DNAJC5B: variants seen among roughly 807,000 people sequenced by gnomAD.
DNAJC5B encodes DnaJ heat shock protein family (Hsp40) member C5 beta.
Under a neutral mutation model 24.7 loss-of-function variants are expected in DNAJC5B, and 23 were observed. The ratio of observed to expected loss-of-function variants is 0.93; its 90% CI spans 0.67 to 1.32. DNAJC5B has a LOEUF of 1.32. DNAJC5B is among the 40% of genes most tolerant of loss of function. DNAJC5B has a pLI of 0.00. For missense variants in DNAJC5B, 238 were observed against 240.8 expected, an observed-to-expected ratio of 0.99 and a Z score of 0.08; for synonymous variants, 101 against 90.1, an observed-to-expected ratio of 1.12 and a Z score of -0.68.
chr8:66,020,039 G>C (rs898363652), upstream of DNAJC5B, among the ~76,000 whole-genome samples: 1 of 152,214 alleles, frequency 6.6e-6, no homozygotes, highest in Non-Finnish European at 1.5e-5. Flanking sequence ...TTACTCAAAG[G>C]GTTGCTTAAG....
intron 5 of DNAJC5B, among the ~76,000 whole-genome samples, chr8:66,089,819 T>C (rs1438601894): frequency 6.6e-6 from 1 of 152,194 alleles, no homozygotes; most frequent in Non-Finnish European, 1.5e-5. Context: ...CAGTATTCAC[T>C]GGCAACTACA....
intron 3 of DNAJC5B, among the ~76,000 whole-genome samples, chr8:66,076,052 T>C (rs1211586012): frequency 6.6e-6 from 1 of 152,114 alleles, no homozygotes; most frequent in Non-Finnish European, 1.5e-5. Context: ...CACAAGAAAA[T>C]TTCTATAGAT....
intron 3 of DNAJC5B, among the ~76,000 whole-genome samples, chr8:66,066,763 G>A (rs1298562040): frequency 2.0e-5 from 3 of 152,198 alleles, no homozygotes; most frequent in East Asian, 1.9e-4. Flanking sequence ...AAACTACAAT[G>A]TATACTACTC....
chr8:66,090,498 T>C (rs552247730), intron 5 of DNAJC5B, among the ~76,000 whole-genome samples: 67 of 152,058 alleles, frequency 4.4e-4, no homozygotes, highest in African/African-American at 1.6e-3. Flanking sequence ...ATTTCCCCAA[T>C]TTTTTTTAAA....
chr8:66,032,666 A>G (rs1806384453), intron 1 of DNAJC5B, among the ~76,000 whole-genome samples: 1 of 152,156 alleles, frequency 6.6e-6, no homozygotes, highest in African/African-American at 2.4e-5. Context: ...AAATCTGCCC[A>G]TCAAAACTGC....
At chr8:66,026,232 G>C (rs968017763) in intron 1 of DNAJC5B, among the ~76,000 whole-genome samples, 3 of 149,378 alleles carry the variant, frequency 2.0e-5, no homozygotes, top group African/African-American at 7.5e-5. Flanking sequence ...TTTGTCTGTT[G>C]TTGGTGTATA....
chr8:66,074,694 T>C (rs931573984), intron 3 of DNAJC5B, among the ~76,000 whole-genome samples: 1 of 152,372 alleles, frequency 6.6e-6, no homozygotes, highest in Non-Finnish European at 1.5e-5. Context: ...CCTTAAACTC[T>C]ACATTCTATA....
intron 1 of DNAJC5B, among the ~76,000 whole-genome samples, chr8:66,028,540 T>C (rs1378773243): frequency 6.6e-6 from 1 of 152,012 alleles, no homozygotes; most frequent in African/African-American, 2.4e-5. Context: ...GCAAACCTGT[T>C]CCCCCTTTGT....
In DNAJC5B at chr8:66,051,641, A is replaced by G; in HGVS notation, c.94A>G (p.Asn32Asp). 2 of 1,612,524 alleles carry G rather than the reference A, an allele frequency of 1.2e-6. No homozygotes were observed. Among genetic ancestry groups the G allele is most frequent in the Non-Finnish European group, 1.7e-6 (2 of 1,179,570 alleles). Reference protein sequence around the residue: ...EILGLHKGASNEEIKKTYRKL... With the variant: ...EILGLHKGASDEEIKKTYRKL... ...TCTTGGTCTGCATAAGGGAGCATCA[A>G]ATGAAGAAATTAAGAAAACCTACAG... Residue 32 changes from asparagine (N) to aspartate (D), a missense_variant, in exon 3 of 6, where the codon AAT (asparagine) becomes GAT (aspartate). Transcript: ENST00000276570.
At chr8:66,074,164 C>T (rs1449684286) in intron 3 of DNAJC5B, among the ~76,000 whole-genome samples, 1 of 152,198 alleles carries the variant, frequency 6.6e-6, no homozygotes, top group Admixed American at 6.5e-5. Flanking sequence ...ATATAACAGC[C>T]TCATATAAAC....
At chr8:66,095,385 A>T (rs567526573) in intron 5 of DNAJC5B, among the ~76,000 whole-genome samples, 1 of 151,168 alleles carries the variant, frequency 6.6e-6, no homozygotes, top group Non-Finnish European at 1.5e-5. Flanking sequence ...TATTCTTTAC[A>T]TTGGTCATTT....
chr8:66,096,582 C>T (rs891454986), intron 5 of DNAJC5B, among the ~76,000 whole-genome samples: 2 of 152,060 alleles, frequency 1.3e-5, no homozygotes, highest in African/African-American at 4.8e-5. Flanking sequence ...AGAATATTTA[C>T]AGCTACTTGG....
At chr8:66,088,250 G>A (rs1386921309) in intron 5 of DNAJC5B, among the ~76,000 whole-genome samples, 1 of 152,206 alleles carries the variant, frequency 6.6e-6, no homozygotes, top group African/African-American at 2.4e-5. Flanking sequence ...AGCCTCATCT[G>A]GAGCTGGAGT....
At chr8:66,066,636 C>G (rs944084377) in intron 3 of DNAJC5B, among the ~76,000 whole-genome samples, 1 of 152,044 alleles carries the variant, frequency 6.6e-6, no homozygotes, top group Admixed American at 6.5e-5. Flanking sequence ...GAATTGAAAC[C>G]AAAACACTGT....
At chr8:66,049,186 T>G (rs963003902) in intron 2 of DNAJC5B, among the ~76,000 whole-genome samples, 5 of 152,244 alleles carry the variant, frequency 3.3e-5, no homozygotes, top group African/African-American at 1.2e-4. Context: ...GTAATGGAGT[T>G]GAAGAATTAC....
Position 66,081,503 on chromosome 8 carries a change from T to C in DNAJC5B, c.505+955T>C, listed in dbSNP as rs568609532. Among the ~76,000 whole-genome samples the C allele has an allele frequency of 9.2e-4, 140 of 152,312 alleles. 1 individual carries two copies. Among genetic ancestry groups the C allele is most frequent in the South Asian group, 8.1e-3 (39 of 4,826 alleles). The stretch of plus-strand genomic sequence containing the variant: ...TGCTAAAATTAGGAACAGTGTACTT[T>C]TCTGGACTGTATTGTACTCTGATTC... On this transcript the variant is annotated intron_variant, in intron 5 of 5. Coordinates refer to ENST00000276570, the MANE Select transcript of DNAJC5B (RefSeq NM_033105.6).
intron 2 of DNAJC5B, among the ~76,000 whole-genome samples, chr8:66,047,372 A>G (rs1806744033): frequency 6.6e-6 from 1 of 152,114 alleles, no homozygotes; most frequent in Non-Finnish European, 1.5e-5. Flanking sequence ...AGAACCTGAC[A>G]CTGTCAGTTA....
intron 2 of DNAJC5B, among the ~76,000 whole-genome samples, chr8:66,049,017 A>C (rs1806788001): frequency 6.6e-6 from 1 of 152,182 alleles, no homozygotes; most frequent in Non-Finnish European, 1.5e-5. Context: ...GACCCTGAAC[A>C]CTAGTTTCAT....
intron 3 of DNAJC5B, among the ~76,000 whole-genome samples, chr8:66,068,370 C>T (rs941234624): frequency 2.0e-5 from 3 of 150,874 alleles, no homozygotes; most frequent in African/African-American, 7.3e-5. Context: ...TTCAGATTTG[C>T]AAAAGAAACA....
Sources: allele counts gnomAD v4.1 joint callset (sites outside exome capture counted in the v4.1 genomes callset), GRCh38; gene constraint gnomAD v4.1.1; transcripts MANE v1.5; gene names NCBI Gene and HGNC (gene_info 2026-07-23, HGNC 2026-07-21).